Variants in ITGBL1 observed in about 807,000 individuals in gnomAD.
ITGBL1 encodes the protein integrin beta-like protein 1.
A neutral mutation model predicts 68.5 loss-of-function variants in ITGBL1; 51 were observed. The ratio of observed to expected loss-of-function variants is 0.74; its 90% CI spans 0.59 to 0.94. The LOEUF is 0.94. Ranked by LOEUF, ITGBL1 falls within the 40% of genes least tolerant of loss-of-function variation. The probability of loss-of-function intolerance (pLI) is 0.00; values close to 1 mark genes in which losing one functional copy is unlikely to be tolerated. For missense variants in ITGBL1, 649 were observed against 647.4 expected (o/e 1.00, Z -0.03); for synonymous variants, 209 against 227.3 (o/e 0.92, Z 0.72).
chr13:101,609,629 C>T (rs892221318), intron 7 of ITGBL1, among the ~76,000 whole-genome samples: 2 of 152,034 alleles, frequency 1.3e-5, no homozygotes, highest in Non-Finnish European at 2.9e-5. Flanking sequence ...TTGATCTTGC[C>T]TTTCATCTTG....
intron 6 of ITGBL1, among the ~76,000 whole-genome samples, chr13:101,592,903 C>G (rs567252372): frequency 6.6e-6 from 1 of 151,800 alleles, no homozygotes; most frequent in Admixed American, 6.6e-5. Context: ...GCAACAAAAA[C>G]AAATAGATAA....
At chr13:101,556,271 A>T (rs190903647) in intron 2 of ITGBL1, among the ~76,000 whole-genome samples, 6 of 152,330 alleles carry the variant, frequency 3.9e-5, no homozygotes, top group Admixed American at 3.9e-4. Flanking sequence ...CCTTGCAGAG[A>T]TAATTTATTA....
Position 101,544,641 on chromosome 13 carries a change from C to G in ITGBL1, c.317-23058C>G, listed in dbSNP as rs553352791. On this transcript the variant is annotated intron_variant, in intron 2 of 10. Coordinates refer to ENST00000376180, the MANE Select transcript of ITGBL1 (RefSeq NM_004791.3). Reference sequence around the variant, plus strand: ...TGCTGCCTTTTGTTTGGCTATGCCCCGCCCCCAGAGGTGGAGTCTACAGAG... The same window carrying G: ...TGCTGCCTTTTGTTTGGCTATGCCCGGCCCCCAGAGGTGGAGTCTACAGAG... Among the ~76,000 whole-genome samples, 28 of 152,306 alleles carry G rather than the reference C, an allele frequency of 1.8e-4. No individual in the cohort carries two copies. The East Asian group carries it at 5.0e-3, about 27-fold the overall frequency.
At chr13:101,600,373 T>C (rs1477298364) in intron 7 of ITGBL1, among the ~76,000 whole-genome samples, 1 of 152,210 alleles carries the variant, frequency 6.6e-6, no homozygotes, top group Non-Finnish European at 1.5e-5. Context: ...TACAATCATG[T>C]CATCTGCAAA....
At chr13:101,525,950 T>G (rs1205524966) in intron 2 of ITGBL1, among the ~76,000 whole-genome samples, 1 of 152,110 alleles carries the variant, frequency 6.6e-6, no homozygotes, top group Non-Finnish European at 1.5e-5. Flanking sequence ...TTTTGCATTT[T>G]CATATATGTT....
intron 7 of ITGBL1, among the ~76,000 whole-genome samples, chr13:101,626,140 C>G (rs1343797144): frequency 6.6e-6 from 1 of 152,128 alleles, no homozygotes; most frequent in African/African-American, 2.4e-5. Flanking sequence ...ATTTCAGATA[C>G]AACTTCAGAC....
chr13:101,584,988 G>T (rs1344248812), intron 6 of ITGBL1, among the ~76,000 whole-genome samples: 1 of 151,874 alleles, frequency 6.6e-6, no homozygotes, highest in African/African-American at 2.4e-5. Context: ...AGGAACAGAG[G>T]GATAGAATCT....
intron 7 of ITGBL1, among the ~76,000 whole-genome samples, chr13:101,669,244 G>C (rs371938827): frequency 2.6e-5 from 4 of 152,060 alleles, no homozygotes; most frequent in African/African-American, 9.7e-5. Flanking sequence ...TTAGGGGAGT[G>C]AGAGGGATGC....
chr13:101,711,200 T>C (rs2034449971), intron 9 of ITGBL1: 1 of 152,252 alleles, frequency 6.6e-6, no homozygotes, highest in Non-Finnish European at 1.5e-5. Context: ...TACACAATTA[T>C]ATCTTTGCCT....
chr13:101,661,060 A>T (rs1354731145), intron 7 of ITGBL1, among the ~76,000 whole-genome samples: 2 of 152,200 alleles, frequency 1.3e-5, no homozygotes, highest in African/African-American at 4.8e-5. Context: ...CAGTAGTAGC[A>T]GATGCATAAA....
intron 2 of ITGBL1, among the ~76,000 whole-genome samples, chr13:101,484,146 G>A (rs1381236213): frequency 6.6e-6 from 1 of 151,584 alleles, no homozygotes; most frequent in Non-Finnish European, 1.5e-5. Flanking sequence ...GAAACTCCCA[G>A]AAGCAACATT....
At chr13:101,558,961 A>G (rs567269059) in intron 2 of ITGBL1, among the ~76,000 whole-genome samples, 20 of 152,208 alleles carry the variant, frequency 1.3e-4, no homozygotes, top group African/African-American at 4.8e-4. Context: ...ATACATGAAT[A>G]TATGTTTGAC....
chr13:101,554,205 G>A (rs1249746738), intron 2 of ITGBL1, among the ~76,000 whole-genome samples: 1 of 152,104 alleles, frequency 6.6e-6, no homozygotes, highest in Non-Finnish European at 1.5e-5. Flanking sequence ...TGGTACTGGG[G>A]TCTAAGTTTT....
At chr13:101,635,018 C>CTT (rs149815835) in intron 7 of ITGBL1, among the ~76,000 whole-genome samples, 2,204 of 148,316 alleles carry the variant, frequency 0.015, 54 homozygotes, top group African/African-American at 0.052. Flanking sequence ...TTCGAATTTC[C>CTT]TTTTTTTTTA....
At position 101,615,653 on chromosome 13, in the gene ITGBL1, G is replaced by A. The variant is rs1002000019; in HGVS notation, c.1015+17354G>A. 2.0e-5 allele frequency among the ~76,000 whole-genome samples: 3 copies of A among 152,088 alleles called. No individual in the cohort carries two copies. In the South Asian group the frequency reaches 6.2e-4, roughly 32 times the overall value. ...CTTACAAAAGAGACCCCAGAGTGTG[G>A]TAGTACATGCCTGTAGTCCCAGCTA... On this transcript the variant is annotated intron_variant, in intron 7 of 10. Coordinates refer to ENST00000376180, the MANE Select transcript of ITGBL1 (RefSeq NM_004791.3).
At chr13:101,603,240 A>G (rs1273760139) in intron 7 of ITGBL1, among the ~76,000 whole-genome samples, 7 of 151,948 alleles carry the variant, frequency 4.6e-5, no homozygotes, top group Middle Eastern at 3.4e-3. Context: ...ATTTCTTGGT[A>G]TTGTCTGTCT....
chr13:101,661,412 A>G (rs1171536919), intron 7 of ITGBL1, among the ~76,000 whole-genome samples: 3 of 152,180 alleles, frequency 2.0e-5, no homozygotes, highest in East Asian at 3.9e-4. Context: ...TTACTCAGGT[A>G]GTCTTGGGTC....
At chr13:101,641,536 A>G (rs995956361) in intron 7 of ITGBL1, among the ~76,000 whole-genome samples, 1 of 145,062 alleles carries the variant, frequency 6.9e-6, no homozygotes, top group Non-Finnish European at 1.5e-5. Flanking sequence ...ATTTTATTTT[A>G]TTTTATTTAT....
chr13:101,715,418 GTAA>G, intron 10 of ITGBL1, 142 bp from the exon 11 acceptor site: 1 of 675,344 alleles, frequency 1.5e-6, no homozygotes, highest in Non-Finnish European at 2.7e-6. Context: ...TTAATAAGAT[GTAA>G]TAATAACATC....
Sources: allele counts gnomAD v4.1 joint callset (sites outside exome capture counted in the v4.1 genomes callset), GRCh38; gene constraint gnomAD v4.1.1; transcripts MANE v1.5; gene names NCBI Gene and HGNC (gene_info 2026-07-23, HGNC 2026-07-21).